PTPRK: variants seen among roughly 807,000 people sequenced by gnomAD.
The protein encoded by PTPRK is protein tyrosine phosphatase receptor type K, also known as receptor-type tyrosine-protein phosphatase kappa.
A neutral mutation model predicts 178.0 loss-of-function variants in PTPRK; 75 were observed. That is an observed-to-expected ratio of 0.42 (90% CI 0.35 to 0.51). PTPRK has a LOEUF of 0.51. Among genes scored for constraint, PTPRK ranks in the 20% least tolerant of loss-of-function variants. The pLI is 0.02. For synonymous variants in PTPRK, 637 were observed against 620.6 expected, an observed-to-expected ratio of 1.03 and a Z score of -0.39; for missense variants, 1,441 against 1,797.8, an observed-to-expected ratio of 0.80 and a Z score of 3.59.
intron 7 of PTPRK, among the ~76,000 whole-genome samples, chr6:128,145,371 T>C (rs1796334650): frequency 6.6e-6 from 1 of 152,148 alleles, no homozygotes; most frequent in Non-Finnish European, 1.5e-5. Flanking sequence ...TACATGAGTA[T>C]ATTCTTATGT....
At chr6:128,482,096 T>C (rs1243606191) in intron 1 of PTPRK, among the ~76,000 whole-genome samples, 1 of 152,182 alleles carries the variant, frequency 6.6e-6, no homozygotes, top group African/African-American at 2.4e-5. Flanking sequence ...TTTGGTTGTT[T>C]GTTTTTAGGA....
intron 3 of PTPRK, among the ~76,000 whole-genome samples, chr6:128,265,354 T>G (rs1166439556): frequency 6.6e-6 from 1 of 152,134 alleles, no homozygotes; most frequent in Non-Finnish European, 1.5e-5. Context: ...TAAAGAAAAT[T>G]TACTATAAAT....
chr6:128,327,409 T>C (rs1047779801), intron 2 of PTPRK, among the ~76,000 whole-genome samples: 3 of 152,182 alleles, frequency 2.0e-5, no homozygotes, highest in African/African-American at 7.2e-5. Flanking sequence ...TTTCTTTGCC[T>C]AGTATTCACA....
chr6:128,248,066 C>T lies in PTPRK; in HGVS notation c.496-5464G>A, dbSNP rs1023189689. Among the ~76,000 whole-genome samples the T allele has an allele frequency of 6.6e-5, 10 of 152,050 alleles. No homozygotes were observed. In the South Asian group the frequency reaches 1.9e-3, roughly 28 times the overall value. Reference sequence around the variant, plus strand: ...AATATTTATGCCCAAATTTCAGTAACGAATAAAATAGGCATCTGTAACACA... The same window carrying T: ...AATATTTATGCCCAAATTTCAGTAATGAATAAAATAGGCATCTGTAACACA... On this transcript the variant is annotated intron_variant, in intron 3 of 29. Transcript: ENST00000368226.
chr6:128,033,283 T>C (rs367772489), intron 13 of PTPRK, among the ~76,000 whole-genome samples: 135 of 152,294 alleles, frequency 8.9e-4, no homozygotes, highest in Admixed American at 4.3e-3. Context: ...CAGGAGATAC[T>C]GAGGTATAAT....
chr6:128,463,847 G>A (rs997534727), intron 1 of PTPRK, among the ~76,000 whole-genome samples: 4 of 150,022 alleles, frequency 2.7e-5, no homozygotes, highest in African/African-American at 4.9e-5. Context: ...CGCCTCCAGG[G>A]TTCAGGCAAT....
chr6:128,419,746 T>A (rs1028882812), intron 1 of PTPRK, among the ~76,000 whole-genome samples: 3 of 152,218 alleles, frequency 2.0e-5, no homozygotes, highest in African/African-American at 7.2e-5. Context: ...GCCAGTGTTG[T>A]GGAGCCAGGG....
intron 3 of PTPRK, among the ~76,000 whole-genome samples, chr6:128,306,967 G>A (rs1027207697): frequency 2.6e-5 from 4 of 151,648 alleles, no homozygotes; most frequent in Admixed American, 1.3e-4. Context: ...GGTGGTAGTA[G>A]GAATAAAAAC....
chr6:128,171,988 C>T (rs1370703910), intron 7 of PTPRK, among the ~76,000 whole-genome samples: 1 of 151,920 alleles, frequency 6.6e-6, no homozygotes, highest in East Asian at 1.9e-4. Context: ...GATCAACCAA[C>T]TCTGGAGAAT....
At chr6:128,427,269 T>C (rs1489085489) in intron 1 of PTPRK, among the ~76,000 whole-genome samples, 1 of 152,184 alleles carries the variant, frequency 6.6e-6, no homozygotes, top group African/African-American at 2.4e-5. Context: ...TAAGAGGTGT[T>C]ATGTAATTTA....
At chr6:128,278,128 TTTA>T (rs970950733) in intron 3 of PTPRK, among the ~76,000 whole-genome samples, 1 of 76,710 alleles carries the variant, frequency 1.3e-5, no homozygotes, top group Non-Finnish European at 2.4e-5. Context: ...GTGTTTTTTA[TTTA>T]TTTATTTATT....
chr6:128,128,604 A>G (rs17055340), intron 7 of PTPRK, among the ~76,000 whole-genome samples: 3,881 of 152,356 alleles, frequency 0.025, 75 homozygotes, highest in Middle Eastern at 0.095. Context: ...AGGAAAAAGG[A>G]GAAACCACAA....
intron 13 of PTPRK, among the ~76,000 whole-genome samples, chr6:128,054,490 T>C (rs1779574691): frequency 6.6e-6 from 1 of 152,298 alleles, no homozygotes; most frequent in East Asian, 1.9e-4. Flanking sequence ...CCAATTCCAT[T>C]TTATATACAG....
intron 7 of PTPRK, among the ~76,000 whole-genome samples, chr6:128,139,799 C>T (rs532928168): frequency 3.9e-5 from 6 of 152,142 alleles, no homozygotes; most frequent in South Asian, 2.1e-4. Context: ...TTCTACTTCT[C>T]CCAATCTAAA....
At chr6:128,080,342 G>A (rs1169814330) in intron 10 of PTPRK, among the ~76,000 whole-genome samples, 3 of 152,052 alleles carry the variant, frequency 2.0e-5, no homozygotes, top group East Asian at 1.9e-4. Context: ...ACTTCATCCC[G>A]CTGATTATAA....
intron 18 of PTPRK, chr6:127,995,126 T>C: frequency 2.1e-6 from 2 of 965,344 alleles, no homozygotes; most frequent in East Asian, 2.6e-5. Context: ...AGATATATTG[T>C]ATGAAGCTAA....
intron 1 of PTPRK, among the ~76,000 whole-genome samples, chr6:128,404,089 A>C (rs773773411): frequency 3.9e-5 from 6 of 152,248 alleles, no homozygotes; most frequent in Admixed American, 6.5e-5. Flanking sequence ...TAGGCAGAAC[A>C]TAGTCTGGTT....
At chr6:128,389,437 G>A (rs1282367718) in intron 2 of PTPRK, among the ~76,000 whole-genome samples, 1 of 143,696 alleles carries the variant, frequency 7.0e-6, no homozygotes, top group Non-Finnish European at 1.5e-5. Flanking sequence ...GTGTGTGTGT[G>A]TGTGTGTATG....
intron 1 of PTPRK, among the ~76,000 whole-genome samples, chr6:128,404,673 T>C (rs1043435643): frequency 2.0e-5 from 3 of 152,214 alleles, no homozygotes; most frequent in African/African-American, 7.2e-5. Context: ...TGTGACTTCA[T>C]CCAACCTCAT....
Sources: gnomAD v4.1 joint callset for allele counts (sites outside exome capture counted in the v4.1 genomes callset) on GRCh38, gnomAD v4.1.1 for gene constraint, MANE v1.5 for transcripts, NCBI Gene and HGNC (gene_info 2026-07-23, HGNC 2026-07-21) for gene names.